Variants in CAPZB observed in about 807,000 individuals in gnomAD.
The protein encoded by CAPZB is capping actin protein of muscle Z-line subunit beta, also known as F-actin-capping protein subunit beta.
CAPZB carries 2 observed loss-of-function variants against 38.1 expected under a neutral mutation model. The observed-to-expected ratio is 0.05, with a 90% CI of 0.02 to 0.17. The LOEUF (loss-of-function observed/expected upper bound fraction) is 0.17, where lower values mean the gene tolerates loss of function less well. Among genes scored for constraint, CAPZB ranks in the 10% least tolerant of loss-of-function variants. The pLI is 1.00. For missense variants in CAPZB, 161 were observed against 334.2 expected (o/e 0.48, Z 4.04); for synonymous variants, 107 against 127.4 (o/e 0.84, Z 1.08).
chr1:19,399,289 A>G (rs1395636967), intron 2 of CAPZB, among the ~76,000 whole-genome samples: 1 of 152,236 alleles, frequency 6.6e-6, no homozygotes, highest in Admixed American at 6.5e-5. Flanking sequence ...TATTTTAGGC[A>G]GAGAGAACCA....
At chr1:19,426,706 GCTAT>G (rs1326549814) in intron 1 of CAPZB, among the ~76,000 whole-genome samples, 1 of 152,194 alleles carries the variant, frequency 6.6e-6, no homozygotes, top group African/African-American at 2.4e-5. Context: ...TCCAGCTTCA[GCTAT>G]CTGACTGCAA....
At position 19,342,734 on chromosome 1, in the gene CAPZB, G is replaced by A. The variant is rs767032215; in HGVS notation, c.731+1624C>T. On this transcript the variant is annotated intron_variant, in intron 8 of 8. Coordinates refer to ENST00000264202, the MANE Select transcript of CAPZB (RefSeq NM_004930.5). ...CCTGTTTTAGTGGGGAGGGTCTCGC[G>A]GCTCTCAGGCAGGGTACCTGGATCG... The A allele has an allele frequency of 1.8e-5, 28 of 1,515,698 alleles. 1 individual carries two copies. The highest frequency in any genetic ancestry group is 6.9e-5 in the African/African-American group (5 of 72,860). 93.9% of individuals were successfully genotyped at this position (1,515,698 alleles called of 1,614,324 possible). A position where few individuals can be genotyped will look rare whatever the true frequency, so the allele number is the denominator to read the frequency against.
intron 2 of CAPZB, 113 bp downstream of exon 2, chr1:19,419,548 G>C (rs1343194912): frequency 7.5e-6 from 5 of 670,056 alleles, no homozygotes; most frequent in South Asian, 1.8e-5. Context: ...GGCATGGTCT[G>C]CCAGGGAGAG....
chr1:19,369,536 A>G (rs2094109056), intron 4 of CAPZB, among the ~76,000 whole-genome samples: 2 of 152,252 alleles, frequency 1.3e-5, no homozygotes, highest in African/African-American at 4.8e-5. Context: ...CCCTGTGCGC[A>G]CATGGCTGAA....
chr1:19,422,997 C>T (rs574639943), intron 1 of CAPZB, among the ~76,000 whole-genome samples: 49 of 152,088 alleles, frequency 3.2e-4, no homozygotes, highest in African/African-American at 8.9e-4. Context: ...AACCCTTCTT[C>T]GGTGCCTGTT....
Position 19,396,896 on chromosome 1 carries a change from T to G in CAPZB, c.94-11270A>C, listed in dbSNP as rs140397801. ...TGAACCTGGGAGGCGGAGGGTGCAG[T>G]GAGCCGAGATGGCGCCACTACACTC... On this transcript the variant is annotated intron_variant, in intron 2 of 8. Transcript: ENST00000264202. Among the ~76,000 whole-genome samples the G allele has an allele frequency of 4.9e-3, 747 of 151,538 alleles. 5 individuals carry two copies. The highest frequency in any genetic ancestry group is 0.017 in the African/African-American group (695 of 41,266).
At chr1:19,350,189 C>T (rs867209617) in intron 6 of CAPZB, among the ~76,000 whole-genome samples, 3 of 152,386 alleles carry the variant, frequency 2.0e-5, no homozygotes, top group South Asian at 2.1e-4. Flanking sequence ...TCTAGCGCGA[C>T]CCGCAGGGCG....
At chr1:19,429,604 C>T (rs938574690) in intron 1 of CAPZB, among the ~76,000 whole-genome samples, 1 of 152,196 alleles carries the variant, frequency 6.6e-6, no homozygotes, top group Admixed American at 6.5e-5. Context: ...GCACCGCCCA[C>T]AGAGCATCCT....
At position 19,383,261 on chromosome 1, in the gene CAPZB, C is replaced by T. The variant is rs192302016; in HGVS notation, c.215+2244G>A. 6.7e-3 allele frequency among the ~76,000 whole-genome samples: 1,025 copies of T among 152,076 alleles called. 10 individuals are homozygous for T. Among genetic ancestry groups the T allele is most frequent in the Non-Finnish European group, 9.2e-3 (624 of 67,966 alleles). On this transcript the variant is annotated intron_variant, in intron 3 of 8. Transcript: ENST00000264202. ...AGGAGTTCAAGACCAGCCTGGCCAA[C>T]GTGGTGAAACCCTGTCTGCACTGAA... is the stretch of plus-strand genomic sequence containing the variant.
At chr1:19,479,548 A>G (rs1422165128) in intron 1 of CAPZB, among the ~76,000 whole-genome samples, 1 of 152,176 alleles carries the variant, frequency 6.6e-6, no homozygotes, top group East Asian at 1.9e-4. Context: ...AGACCCCCTC[A>G]GCTCCAGAGG....
At chr1:19,441,389 G>A (rs2094475966) in intron 1 of CAPZB, among the ~76,000 whole-genome samples, 1 of 152,160 alleles carries the variant, frequency 6.6e-6, no homozygotes, top group South Asian at 2.1e-4. Flanking sequence ...CTGGGACTCG[G>A]CTTTGTTGCC....
rs2094027369 is a variant in CAPZB, at chr1:19,357,366, G to A, written c.471+56C>T. ...TCTGTTAGAGAGCAGCGCGGCACTGGTTGGTGTGCCATCTGTACTTAGTGG... is the reference window on the plus strand; with the variant it reads ...TCTGTTAGAGAGCAGCGCGGCACTGATTGGTGTGCCATCTGTACTTAGTGG... On this transcript the variant is annotated intron_variant, in intron 5 of 8. Transcript: ENST00000264202. This position sits in a 1 kb window ranked among gnomAD's most constrained non-coding sequence, Gnocchi z 4.3. 1.3e-6 allele frequency: 2 copies of A among 1,540,732 alleles called. No individual in the cohort carries two copies. Among genetic ancestry groups the A allele is most frequent in the Non-Finnish European group, 9.0e-7 (1 of 1,115,748 alleles).
intron 4 of CAPZB, among the ~76,000 whole-genome samples, chr1:19,360,959 A>C (rs1362047720): frequency 6.6e-6 from 1 of 152,200 alleles, no homozygotes; most frequent in Admixed American, 6.5e-5. Context: ...CAATGCCATA[A>C]ATCAACTTAT....
chr1:19,457,846 T>C (rs2094537742), intron 1 of CAPZB, among the ~76,000 whole-genome samples: 1 of 151,818 alleles, frequency 6.6e-6, no homozygotes, highest in Non-Finnish European at 1.5e-5. Context: ...GTGACATCGC[T>C]TATAAGGAAA....
At chr1:19,484,691 AG>A in intron 1 of CAPZB, 1 of 1,130,100 alleles carries the variant, frequency 8.8e-7, no homozygotes, top group East Asian at 6.7e-5. Flanking sequence ...TGCACCAGGC[AG>A]GGGGCAGGAC....
rs763307809 is a variant in CAPZB, at chr1:19,413,132, CTGAGAG to C, written c.93+6523_93+6528del. ...TATTCACTGGTCAATGACCAATGGC[CTGAGAG>C]AATCCAACTAGGGTCATTCTTTTCG... is the stretch of plus-strand genomic sequence containing the variant. On this transcript the variant is annotated intron_variant, in intron 2 of 8. Coordinates refer to ENST00000264202, the MANE Select transcript of CAPZB (RefSeq NM_004930.5). 3.6e-4 allele frequency among the ~76,000 whole-genome samples: 55 copies of C among 152,288 alleles called. 1 individual carries two copies. Among genetic ancestry groups the C allele is most frequent in the East Asian group, 2.1e-3 (11 of 5,182 alleles).
intron 1 of CAPZB, among the ~76,000 whole-genome samples, chr1:19,468,568 GGAGCAGGGCAGGGCA>G (rs1039437055): frequency 2.0e-5 from 3 of 152,108 alleles, no homozygotes; most frequent in Non-Finnish European, 2.9e-5. Context: ...AGGGTGGGGC[GGAGCAGGGCAGGGCA>G]GAGCAGGGCA....
chr1:19,466,578 T>C (rs1326646600), intron 1 of CAPZB, among the ~76,000 whole-genome samples: 3 of 152,202 alleles, frequency 2.0e-5, no homozygotes, highest in African/African-American at 7.2e-5. Flanking sequence ...GCTCACATGG[T>C]CTGATATGCA....
At chr1:19,390,357 C>T (rs1484357702) in intron 2 of CAPZB, among the ~76,000 whole-genome samples, 4 of 152,352 alleles carry the variant, frequency 2.6e-5, no homozygotes, top group Admixed American at 2.6e-4. Flanking sequence ...GGAGGAGGAG[C>T]GGTGCTGACA....
Sources: gnomAD v4.1 joint callset for allele counts (sites outside exome capture counted in the v4.1 genomes callset) on GRCh38, gnomAD v4.1.1 for gene constraint, Gnocchi (gnomAD v3.1) non-coding constraint, MANE v1.5 for transcripts, NCBI Gene and HGNC (gene_info 2026-07-23, HGNC 2026-07-21) for gene names.